Variants in SLC35F3 observed in about 807,000 individuals in gnomAD.
SLC35F3 encodes solute carrier family 35 member F3, also known as putative thiamine transporter SLC35F3.
A neutral mutation model predicts 49.9 loss-of-function variants in SLC35F3; 25 were observed. The observed-to-expected ratio is 0.50, with a 90% CI of 0.37 to 0.70. The LOEUF (loss-of-function observed/expected upper bound fraction) is 0.70. Among genes scored for constraint, SLC35F3 ranks in the 30% least tolerant of loss-of-function variants. The pLI is 0.00. For synonymous variants in SLC35F3, 275 were observed against 265.4 expected, an observed-to-expected ratio of 1.04 and a Z score of -0.35; for missense variants, 525 against 639.8, an observed-to-expected ratio of 0.82 and a Z score of 1.94.
chr1:234,051,432 T>A (rs1308336874), intron 2 of SLC35F3, among the ~76,000 whole-genome samples: 1 of 152,228 alleles, frequency 6.6e-6, no homozygotes, highest in Non-Finnish European at 1.5e-5. Flanking sequence ...ATGATTTGGC[T>A]CTCTGTTTGT....
intron 2 of SLC35F3, among the ~76,000 whole-genome samples, chr1:234,085,265 G>T (rs1189927312): frequency 6.6e-6 from 1 of 152,176 alleles, no homozygotes; most frequent in Non-Finnish European, 1.5e-5. Flanking sequence ...GCAGAGGAAT[G>T]CTTCAGTGTC....
chr1:234,323,069 C>A lies in SLC35F3; in HGVS notation c.1299C>A (p.Ile433=). 6.2e-7 allele frequency: 1 copy of A among 1,614,182 alleles called. No homozygotes were observed. The highest frequency in any genetic ancestry group is 1.1e-5 in the South Asian group (1 of 91,078). ...GGGTCCGGGTCATCGCCATCATCAT[C>A]ATCGGCCTGGGTTTTCTCCTCCTGC... ...FNGVRVIAII[I]IGLGFLLLLL... is the part of the protein sequence containing the mutation. Residue 433 remains isoleucine (I), a synonymous_variant, in exon 8 of 8, where the codon ATC becomes ATA. Coordinates refer to ENST00000366618, the MANE Select transcript of SLC35F3 (RefSeq NM_173508.4). The surrounding 1 kb of genome is among the most constrained non-coding windows in gnomAD (Gnocchi z 4.5).
chr1:234,146,309 C>G (rs9435570), intron 2 of SLC35F3, among the ~76,000 whole-genome samples: 28,274 of 151,776 alleles, frequency 0.19, 4,110 homozygotes, highest in East Asian at 0.75. Flanking sequence ...TCTCACCTCA[C>G]AAGACAAATA....
At chr1:234,284,673 C>T (rs1305337920) in intron 3 of SLC35F3, among the ~76,000 whole-genome samples, 2 of 152,282 alleles carry the variant, frequency 1.3e-5, no homozygotes, top group Admixed American at 6.5e-5. Flanking sequence ...TACTGAAAGT[C>T]CAGACAGAGA....
At position 234,060,054 on chromosome 1, in the gene SLC35F3, G is replaced by A. The variant is rs147598914; in HGVS notation, c.283+154296G>A. 4.3e-3 allele frequency among the ~76,000 whole-genome samples: 660 copies of A among 152,240 alleles called. 1 individual carries two copies. The Middle Eastern group carries it at 0.054, about 13-fold the overall frequency. Reference sequence around the variant, plus strand: ...TCTAATCAAGTTGACAGTATTAACCGTCACAGATCCCAGTGAAATGAAATT... The same window carrying A: ...TCTAATCAAGTTGACAGTATTAACCATCACAGATCCCAGTGAAATGAAATT... On this transcript the variant is annotated intron_variant, in intron 2 of 7. Coordinates refer to ENST00000366618, the MANE Select transcript of SLC35F3 (RefSeq NM_173508.4).
intron 2 of SLC35F3, among the ~76,000 whole-genome samples, chr1:234,215,824 G>A (rs1667113371): frequency 6.6e-6 from 1 of 152,182 alleles, no homozygotes; most frequent in South Asian, 2.1e-4. Context: ...GCACTGTGAG[G>A]CCCAGCAAGG....
At chr1:234,148,833 A>G (rs1666032639) in intron 2 of SLC35F3, among the ~76,000 whole-genome samples, 2 of 152,198 alleles carry the variant, frequency 1.3e-5, no homozygotes, top group African/African-American at 4.8e-5. Flanking sequence ...GTACTGATGA[A>G]CTGGATATGA....
At chr1:234,119,004 A>G (rs1359232184) in intron 2 of SLC35F3, among the ~76,000 whole-genome samples, 4 of 151,928 alleles carry the variant, frequency 2.6e-5, no homozygotes, top group Admixed American at 2.0e-4. Flanking sequence ...GCTTTGCTGC[A>G]GAGGACAGAT....
chr1:233,983,192 C>G (rs2102823085), intron 2 of SLC35F3, among the ~76,000 whole-genome samples: 1 of 152,278 alleles, frequency 6.6e-6, no homozygotes, highest in East Asian at 1.9e-4. Context: ...CCCTCTCTAT[C>G]TCTCAACAAT....
At chr1:234,238,776 A>T (rs972599422) in intron 3 of SLC35F3, among the ~76,000 whole-genome samples, 12 of 152,060 alleles carry the variant, frequency 7.9e-5, no homozygotes, top group Admixed American at 7.9e-4. Context: ...TTACCTCTTG[A>T]TCTCCTTTTT....
chr1:233,922,086 AG>A (rs1488202919), intron 2 of SLC35F3, among the ~76,000 whole-genome samples: 5 of 152,210 alleles, frequency 3.3e-5, no homozygotes, highest in Non-Finnish European at 7.3e-5. Context: ...TATTGTGAAT[AG>A]TGCTGCAGTA....
chr1:234,118,579 A>C (rs1475984903), intron 2 of SLC35F3, among the ~76,000 whole-genome samples: 1 of 152,186 alleles, frequency 6.6e-6, no homozygotes, highest in Non-Finnish European at 1.5e-5. Context: ...CAGTGACCAG[A>C]TATGGCTTAC....
At chr1:234,233,605 G>A (rs931650557) in intron 3 of SLC35F3, among the ~76,000 whole-genome samples, 3 of 152,096 alleles carry the variant, frequency 2.0e-5, no homozygotes, top group Admixed American at 2.0e-4. Flanking sequence ...GTCAATGTAG[G>A]AAAAAATGGA....
chr1:234,199,592 T>G (rs1666871134), intron 2 of SLC35F3, among the ~76,000 whole-genome samples: 1 of 152,212 alleles, frequency 6.6e-6, no homozygotes, highest in African/African-American at 2.4e-5. Flanking sequence ...GGCAATGATT[T>G]TTTGGTTGAC....
chr1:234,280,978 G>A lies in SLC35F3; in HGVS notation c.609-28123G>A, dbSNP rs1668315656. Among the ~76,000 whole-genome samples the A allele has an allele frequency of 1.3e-5, 2 of 152,180 alleles. 1 individual carries two copies. Among genetic ancestry groups the A allele is most frequent in the Admixed American group, 1.3e-4 (2 of 15,284 alleles). On this transcript the variant is annotated intron_variant, in intron 3 of 7. Transcript: ENST00000366618. ...GAAGGGCTGCGGATCCTGCACAGCA[G>A]CTTGGGTTCCATGCTGCATGCCTTC...
intron 2 of SLC35F3, among the ~76,000 whole-genome samples, chr1:234,171,062 C>G (rs987798169): frequency 6.6e-6 from 1 of 152,260 alleles, no homozygotes; most frequent in African/African-American, 2.4e-5. Flanking sequence ...ATTCTGCTCA[C>G]TTCTCCCCAA....
At chr1:234,059,295 C>T (rs1255492459) in intron 2 of SLC35F3, among the ~76,000 whole-genome samples, 1 of 151,354 alleles carries the variant, frequency 6.6e-6, no homozygotes, top group East Asian at 1.9e-4. Flanking sequence ...TTAATACAGG[C>T]ATTTATAACT....
At chr1:234,119,355 G>A (rs571266337) in intron 2 of SLC35F3, among the ~76,000 whole-genome samples, 2 of 147,838 alleles carry the variant, frequency 1.4e-5, no homozygotes, top group East Asian at 4.0e-4. Flanking sequence ...CTGCCACAAT[G>A]TTATGAAGAC....
At chr1:234,131,894 T>C (rs1451511355) in intron 2 of SLC35F3, among the ~76,000 whole-genome samples, 3 of 152,148 alleles carry the variant, frequency 2.0e-5, no homozygotes, top group Non-Finnish European at 4.4e-5. Flanking sequence ...CAGCAAATAA[T>C]AAGCGATAAT....
Sources: gnomAD v4.1 joint callset for allele counts (sites outside exome capture counted in the v4.1 genomes callset) on GRCh38, gnomAD v4.1.1 for gene constraint, Gnocchi (gnomAD v3.1) non-coding constraint, MANE v1.5 for transcripts, NCBI Gene and HGNC (gene_info 2026-07-23, HGNC 2026-07-21) for gene names.